CDC42: variants seen among roughly 807,000 people sequenced by gnomAD.
CDC42 encodes cell division cycle 42.
A neutral mutation model predicts 20.8 loss-of-function variants in CDC42; 1 was observed. The ratio of observed to expected loss-of-function variants is 0.05; its 90% confidence interval spans 0.02 to 0.23. The LOEUF is 0.23. Among genes scored for constraint, CDC42 ranks in the 10% least tolerant of loss-of-function variants. CDC42 has a pLI of 1.00. For missense variants in CDC42, 49 were observed against 227.9 expected (o/e 0.21, Z 5.05); for synonymous variants, 72 against 84.8 (o/e 0.85, Z 0.83).
rs1645747806 is a variant in CDC42, at chr1:22,095,172, G to C, written c.*3655G>C. ...AGGGAAGTGGCTTTATGTCACACTT[G>C]TTTTCTGTAAGTCTTACTCTGTATC... On this transcript the variant is annotated 3_prime_UTR_variant, in exon 6 of 6. Coordinates refer to ENST00000656825, the MANE Select transcript of CDC42 (RefSeq NM_001791.4). Among the ~76,000 whole-genome samples the C allele has an allele frequency of 6.6e-6, 1 of 152,094 alleles. No individual in the cohort carries two copies. Among genetic ancestry groups the C allele is most frequent in the African/African-American group, 2.4e-5 (1 of 41,412 alleles).
In CDC42 at chr1:22,097,392, C is replaced by G. The variant is rs931600705; in HGVS notation, c.*5875C>G. ...AAGTAGCTGGGACTACAGGCGTGAG[C>G]CACCGTGCCTGGCTAATTTTTGTAT... is the stretch of plus-strand genomic sequence containing the variant. On this transcript the variant is annotated 3_prime_UTR_variant, in exon 6 of 6. Transcript: ENST00000656825. Among the ~76,000 whole-genome samples the G allele has an allele frequency of 6.6e-6, 1 of 152,198 alleles. No individual in the cohort carries two copies. The highest frequency in any genetic ancestry group is 2.4e-5 in the African/African-American group (1 of 41,450).
rs1557911431 is a variant in CDC42 at position 22,095,123 on chromosome 1, A to AG, written c.*3609dup. Among the ~76,000 whole-genome samples the AG allele has an allele frequency of 6.6e-6, 1 of 152,184 alleles. No individual in the cohort carries two copies. The highest frequency in any genetic ancestry group is 1.5e-5 in the Non-Finnish European group (1 of 68,030). ...CATCTTTCAGGAAGGGCTGATGGTT[A>AG]GGGCATCTCTGAATGATTATTGGAG... On this transcript the variant is annotated 3_prime_UTR_variant, in exon 6 of 6. Transcript: ENST00000656825.
chr1:22,087,441 T>G (rs1645672216), intron 5 of CDC42, among the ~76,000 whole-genome samples: 3 of 152,196 alleles, frequency 2.0e-5, no homozygotes, highest in African/African-American at 7.2e-5. Flanking sequence ...TTTGAGTGAT[T>G]TAATTGGAAC....
intron 1 of CDC42, among the ~76,000 whole-genome samples, chr1:22,077,257 T>C (rs1645562294): frequency 6.6e-6 from 1 of 152,244 alleles, no homozygotes; most frequent in African/African-American, 2.4e-5. Flanking sequence ...TTCTTTTGTT[T>C]CGTGATTTTT....
chr1:22,067,676 A>G (rs967643659), intron 1 of CDC42, among the ~76,000 whole-genome samples: 2 of 152,002 alleles, frequency 1.3e-5, no homozygotes, highest in African/African-American at 2.4e-5. Flanking sequence ...GTCTTCTTGC[A>G]TGGTGCAAGG....
At position 22,099,052 on chromosome 1, in the gene CDC42, C is replaced by G. The variant is rs1016784957; in HGVS notation, c.*7535C>G. Among the ~76,000 whole-genome samples the G allele has an allele frequency of 2.0e-5, 3 of 152,194 alleles. No homozygotes were observed. The South Asian group carries it at 6.2e-4, about 32-fold the overall frequency. On this transcript the variant is annotated 3_prime_UTR_variant, in exon 6 of 6. Coordinates refer to ENST00000656825, the MANE Select transcript of CDC42 (RefSeq NM_001791.4). ...TACAGGCATTAGCCACTGTGCCCAG[C>G]TGGGTATGGATTTCTGAGTGGAGGG...
At position 22,095,193 on chromosome 1, in the gene CDC42, G is replaced by T. The variant is rs1227870267; in HGVS notation, c.*3676G>T. ...ACTTGTTTTCTGTAAGTCTTACTCT[G>T]TATCTACCCGACTTCAGATCATGGT... On this transcript the variant is annotated 3_prime_UTR_variant, in exon 6 of 6. Coordinates refer to ENST00000656825, the MANE Select transcript of CDC42 (RefSeq NM_001791.4). 6.6e-6 allele frequency among the ~76,000 whole-genome samples: 1 copy of T among 152,118 alleles called. No homozygotes were observed. The highest frequency in any genetic ancestry group is 2.4e-5 in the African/African-American group (1 of 41,410).
intron 1 of CDC42, among the ~76,000 whole-genome samples, chr1:22,056,495 G>T (rs998519613): frequency 6.6e-6 from 1 of 151,962 alleles, no homozygotes; most frequent in African/African-American, 2.4e-5. Context: ...AACTTTTACC[G>T]CTTGTTCACT....
At chr1:22,084,409 G>GATTTGT in intron 3 of CDC42, among the ~76,000 whole-genome samples, 2 of 118,512 alleles carry the variant, frequency 1.7e-5, no homozygotes, top group South Asian at 5.9e-4. Flanking sequence ...TTGTGGTTTT[G>GATTTGT]ATTTGTATTT....
chr1:22,061,547 T>C (rs1645365001), intron 1 of CDC42, among the ~76,000 whole-genome samples: 2 of 115,174 alleles, frequency 1.7e-5, no homozygotes, highest in African/African-American at 6.5e-5. Context: ...TTTTTTTTTT[T>C]TTTTTTTTTT....
At chr1:22,082,751 T>C (rs1192824858) in intron 3 of CDC42, among the ~76,000 whole-genome samples, 1 of 152,096 alleles carries the variant, frequency 6.6e-6, no homozygotes, top group African/African-American at 2.4e-5. Context: ...AAATTTTTAA[T>C]ACATTAAAAT....
chr1:22,069,895 G>A (rs1645466519), intron 1 of CDC42, among the ~76,000 whole-genome samples: 2 of 151,940 alleles, frequency 1.3e-5, no homozygotes, highest in Admixed American at 1.3e-4. Flanking sequence ...CCTGGGCTCG[G>A]ATGATCTTCA....
At position 22,100,028 on chromosome 1, in the gene CDC42, TC is replaced by T. The variant is rs58426683; in HGVS notation, c.*8512del. On this transcript the variant is annotated 3_prime_UTR_variant, in exon 6 of 6. Coordinates refer to ENST00000656825, the MANE Select transcript of CDC42 (RefSeq NM_001791.4). ...TTTTTTTCTTTCTTCTTCTTCTTCT[TC>T]TTTTTTTTTTTTTTTGTATAATAGG... Among the ~76,000 whole-genome samples, 101,342 of 128,626 alleles carry T rather than the reference TC, an allele frequency of 0.79. 38,278 individuals carry two copies. The highest frequency in any genetic ancestry group is 0.96 in the East Asian group (4,648 of 4,838). The allele number at this position is 128,626 out of a possible 152,430, so 84.4% of individuals were successfully genotyped here. A position where few individuals can be genotyped will look rare whatever the true frequency, so the allele number is the denominator to read the frequency against.
intron 1 of CDC42, among the ~76,000 whole-genome samples, chr1:22,056,832 C>T (rs1226422360): frequency 6.6e-6 from 1 of 152,232 alleles, no homozygotes; most frequent in Admixed American, 6.5e-5. Flanking sequence ...TCTAATAGAG[C>T]AGAAAACTAT....
intron 1 of CDC42, among the ~76,000 whole-genome samples, chr1:22,065,297 G>A (rs546928643): frequency 1.1e-4 from 17 of 152,312 alleles, no homozygotes; most frequent in African/African-American, 4.1e-4. Context: ...GGGCGAGGTG[G>A]TTTACAGCCC....
rs1401704970 is a variant in CDC42, at chr1:22,095,729, C to G, written c.*4212C>G. The stretch of plus-strand genomic sequence containing the variant: ...TTTATTTTTCTCATTCATGGGTCAG[C>G]TGAACTTGTCTCTAGCCTTCAGATT... On this transcript the variant is annotated 3_prime_UTR_variant, in exon 6 of 6. Coordinates refer to ENST00000656825, the MANE Select transcript of CDC42 (RefSeq NM_001791.4). Among the ~76,000 whole-genome samples the G allele has an allele frequency of 1.3e-5, 2 of 152,140 alleles. No homozygotes were observed. The highest frequency in any genetic ancestry group is 2.9e-5 in the Non-Finnish European group (2 of 68,034).
intron 1 of CDC42, among the ~76,000 whole-genome samples, chr1:22,077,299 C>T (rs1245630239): frequency 6.6e-6 from 1 of 152,210 alleles, no homozygotes; most frequent in East Asian, 1.9e-4. Context: ...GTGTGTCAGT[C>T]TAGAAGTGCT....
rs1319912138 is a variant in CDC42, at chr1:22,093,405, T to C, written c.*1888T>C. Reference sequence around the variant, plus strand: ...GGGAATCACCACACCTAGTTGGTTATCTCAAACTACTACTATCAGAATACA... The same window carrying C: ...GGGAATCACCACACCTAGTTGGTTACCTCAAACTACTACTATCAGAATACA... On this transcript the variant is annotated 3_prime_UTR_variant, in exon 6 of 6. Coordinates refer to ENST00000656825, the MANE Select transcript of CDC42 (RefSeq NM_001791.4). Among the ~76,000 whole-genome samples the C allele has an allele frequency of 6.6e-6, 1 of 152,236 alleles. No individual in the cohort carries two copies. The highest frequency in any genetic ancestry group is 2.4e-5 in the African/African-American group (1 of 41,468).
intron 3 of CDC42, 39 bp downstream of exon 3, chr1:22,081,833 A>T: frequency 7.7e-7 from 1 of 1,298,144 alleles, no homozygotes; most frequent in Non-Finnish European, 1.1e-6. Flanking sequence ...TTGATCTTTA[A>T]CAGTTGCTAG....
Sources: gnomAD v4.1 joint callset for allele counts (sites outside exome capture counted in the v4.1 genomes callset) on GRCh38, gnomAD v4.1.1 for gene constraint, MANE v1.5 for transcripts, NCBI Gene and HGNC (gene_info 2026-07-23, HGNC 2026-07-21) for gene names.